Variants in PDE1C observed in about 807,000 individuals in gnomAD.
PDE1C encodes the protein dual specificity calcium/calmodulin-dependent 3',5'-cyclic nucleotide phosphodiesterase 1C.
In PDE1C, 62 loss-of-function variants were observed where a neutral mutation model predicts 93.1. The observed-to-expected ratio is 0.67, with a 90% CI of 0.54 to 0.82. The LOEUF is 0.82. Ranked by LOEUF, PDE1C falls within the 40% of genes least tolerant of loss-of-function variation. The pLI is 0.00. For missense variants in PDE1C, 742 were observed against 884.6 expected, an observed-to-expected ratio of 0.84 and a Z score of 2.04; for synonymous variants, 325 against 310.1, an observed-to-expected ratio of 1.05 and a Z score of -0.50.
chr7:31,900,182 C>G (rs1799795696), intron 2 of PDE1C, among the ~76,000 whole-genome samples: 1 of 152,162 alleles, frequency 6.6e-6, no homozygotes, highest in African/African-American at 2.4e-5. Flanking sequence ...CACAGATACT[C>G]TCTACTTATA....
At chr7:32,006,676 C>T (rs1193265914) in intron 2 of PDE1C, among the ~76,000 whole-genome samples, 6 of 152,118 alleles carry the variant, frequency 3.9e-5, no homozygotes, top group Non-Finnish European at 5.9e-5. Context: ...GAAACAAAAC[C>T]GTGATGAAAT....
At chr7:31,897,438 T>C (rs1387137385) in intron 2 of PDE1C, among the ~76,000 whole-genome samples, 1 of 152,236 alleles carries the variant, frequency 6.6e-6, no homozygotes, top group Non-Finnish European at 1.5e-5. Flanking sequence ...AGTTTTTCTA[T>C]TTTATGAATA....
chr7:32,259,617 A>C (rs1810053089), intron 1 of PDE1C, among the ~76,000 whole-genome samples: 1 of 152,196 alleles, frequency 6.6e-6, no homozygotes, highest in Non-Finnish European at 1.5e-5. Flanking sequence ...CCCTGGGCTG[A>C]AATTTTAAGG....
chr7:32,131,074 C>G (rs1444525661), intron 3 of PDE1C, among the ~76,000 whole-genome samples: 1 of 152,040 alleles, frequency 6.6e-6, no homozygotes, highest in African/African-American at 2.4e-5. Context: ...GGAACTTTCC[C>G]ACAGGTTATG....
At chr7:32,205,978 T>C (rs1449061097) in intron 2 of PDE1C, among the ~76,000 whole-genome samples, 3 of 152,174 alleles carry the variant, frequency 2.0e-5, no homozygotes, top group African/African-American at 7.2e-5. Context: ...GTTTTCATTT[T>C]TGAAGTCAGC....
chr7:32,307,793 C>T (rs1813050115), intron 1 of PDE1C, among the ~76,000 whole-genome samples: 1 of 152,212 alleles, frequency 6.6e-6, no homozygotes, highest in African/African-American at 2.4e-5. Flanking sequence ...TCTACAACTC[C>T]CAGCATAAGC....
intron 1 of PDE1C, among the ~76,000 whole-genome samples, chr7:32,261,772 T>C (rs1810220328): frequency 6.6e-6 from 1 of 152,220 alleles, no homozygotes; most frequent in African/African-American, 2.4e-5. Flanking sequence ...TAGGCAGACA[T>C]TTTGGTGGAT....
At chr7:31,715,216 G>A in the PDE1C span, among the ~76,000 whole-genome samples, 3 of 151,692 alleles carry the variant, frequency 2.0e-5, no homozygotes, top group Non-Finnish European at 2.9e-5. Context: ...ATAGCAATTA[G>A]GTTCCTCATT....
At chr7:31,681,603 G>A in the PDE1C span, among the ~76,000 whole-genome samples, 20 of 152,188 alleles carry the variant, frequency 1.3e-4, no homozygotes, top group South Asian at 8.3e-4. Flanking sequence ...ATTTTTCTGC[G>A]TCTGTCTCTC....
rs754052344 is a variant in PDE1C at position 31,816,115 on chromosome 7, A to C, written c.1622T>G (p.Leu541Arg). The C allele has an allele frequency of 6.2e-7, 1 of 1,613,986 alleles. No individual in the cohort carries two copies. The highest frequency in any genetic ancestry group is 1.1e-5 in the South Asian group (1 of 91,078). The stretch of plus-strand genomic sequence containing the variant: ...TTCCTTTTGCTGCTCCTCTGCGGCC[A>C]GGCGAGCCTTTTCCTCTGCTTCCTT... ...AKKEAEEKAR[L>R]AAEEQQKEME... Residue 541 changes from leucine to arginine, a missense_variant, in exon 15 of 18, where the codon CTG becomes CGG. This residue lies in a region of PDE1C where 454 missense variants were observed against 459.4 expected (regional missense o/e 0.99). Transcript: ENST00000396191.
At chr7:31,756,757 G>C (rs1030648514) in intron 17 of PDE1C, among the ~76,000 whole-genome samples, 1 of 152,122 alleles carries the variant, frequency 6.6e-6, no homozygotes, top group Admixed American at 6.6e-5. Context: ...ATGTCAACAT[G>C]AATAAAGGTG....
intron 2 of PDE1C, among the ~76,000 whole-genome samples, chr7:31,956,185 C>A (rs1442305886): frequency 6.6e-6 from 1 of 152,038 alleles, no homozygotes; most frequent in East Asian, 1.9e-4. Flanking sequence ...CTTCCGCCTC[C>A]CAGGTTCAAG....
At chr7:32,325,194 T>C (rs1164127691) in intron 1 of PDE1C, among the ~76,000 whole-genome samples, 3 of 152,244 alleles carry the variant, frequency 2.0e-5, no homozygotes, top group African/African-American at 7.2e-5. Flanking sequence ...GTAGGTAACA[T>C]GAACTACAAG....
chr7:32,258,622 C>A (rs1242614106), intron 1 of PDE1C, among the ~76,000 whole-genome samples: 2 of 152,076 alleles, frequency 1.3e-5, no homozygotes, highest in African/African-American at 2.4e-5. Flanking sequence ...GAGGAATCAC[C>A]ATGTTAAAAA....
chr7:31,912,305 T>C (rs554688903), intron 2 of PDE1C, among the ~76,000 whole-genome samples: 104 of 152,338 alleles, frequency 6.8e-4, no homozygotes, highest in African/African-American at 2.1e-3. Context: ...AACATACAGA[T>C]GTCTTTTCAT....
chr7:32,156,635 A>T (rs1050663545), intron 3 of PDE1C, among the ~76,000 whole-genome samples: 1 of 152,020 alleles, frequency 6.6e-6, no homozygotes, highest in African/African-American at 2.4e-5. Flanking sequence ...AAAACACTGG[A>T]TGAAAGAAGA....
intron 2 of PDE1C, among the ~76,000 whole-genome samples, chr7:31,959,043 G>C (rs1288636985): frequency 6.6e-6 from 1 of 151,936 alleles, no homozygotes; most frequent in East Asian, 1.9e-4. Flanking sequence ...GAAAATAAGA[G>C]TCCCCAAAGC....
intron 3 of PDE1C, among the ~76,000 whole-genome samples, chr7:32,107,553 G>T (rs1247913240): frequency 6.6e-6 from 1 of 152,116 alleles, no homozygotes; most frequent in Non-Finnish European, 1.5e-5. Context: ...TCTGTAGCCA[G>T]CAAAATTACT....
At chr7:32,141,311 C>A (rs1372194842) in intron 3 of PDE1C, among the ~76,000 whole-genome samples, 3 of 152,174 alleles carry the variant, frequency 2.0e-5, no homozygotes, top group African/African-American at 4.8e-5. Flanking sequence ...CTACTGCACC[C>A]CAGCCTGGAC....
Sources: gnomAD v4.1 joint callset for allele counts (sites outside exome capture counted in the v4.1 genomes callset) on GRCh38, gnomAD v4.1.1 for gene constraint, gnomAD v4.1.1 regional missense constraint, MANE v1.5 for transcripts, NCBI Gene and HGNC (gene_info 2026-07-23, HGNC 2026-07-21) for gene names.